The following SGK2 variants were observed in gnomAD, a reference collection of about 807,000 sequenced individuals.
SGK2 encodes the protein serine/threonine-protein kinase Sgk2.
Under a neutral mutation model 47.5 loss-of-function variants are expected in SGK2, and 36 were observed. The observed-to-expected ratio is 0.76, with a 90% CI of 0.58 to 1.00. The LOEUF is 1.00. Among genes scored for constraint, SGK2 ranks in the 50% least tolerant of loss-of-function variants. The pLI, the probability that SGK2 is intolerant of heterozygous loss-of-function variation, is 0.00. For missense variants in SGK2, 404 were observed against 467.4 expected (o/e 0.86, Z 1.25); for synonymous variants, 157 against 181.9 (o/e 0.86, Z 1.10).
intron 1 of SGK2, among the ~76,000 whole-genome samples, chr20:43,561,799 A>G (rs992839672): frequency 1.3e-5 from 2 of 151,708 alleles, no homozygotes; most frequent in Non-Finnish European, 2.9e-5. Flanking sequence ...TCATAGAGAA[A>G]GATTGTAGTG....
chr20:43,570,234 G>A (rs776424175), intron 6 of SGK2, among the ~76,000 whole-genome samples: 3 of 152,194 alleles, frequency 2.0e-5, no homozygotes, highest in Non-Finnish European at 4.4e-5. Flanking sequence ...TCAAATGCCA[G>A]CTCTGCCAAT....
At chr20:43,577,354 T>C (rs545141145) in intron 11 of SGK2, among the ~76,000 whole-genome samples, 1 of 150,332 alleles carries the variant, frequency 6.7e-6, no homozygotes, top group Non-Finnish European at 1.5e-5. Flanking sequence ...CTGCTTTTTT[T>C]TTTTTTTTTT....
At chr20:43,570,834 C>T in intron 7 of SGK2, 105 bp downstream of exon 7, 1 of 1,277,238 alleles carries the variant, frequency 7.8e-7, no homozygotes, top group Non-Finnish European at 1.1e-6. Flanking sequence ...GGACTTGGTC[C>T]TTTGTTTTGG....
At chr20:43,583,514 C>T in intron 12 of SGK2, 4 of 1,142,400 alleles carry the variant, frequency 3.5e-6, no homozygotes. Context: ...AAACTGTGAT[C>T]TGTTTGGCTC....
At chr20:43,569,346 TG>T in intron 5 of SGK2, 38 bp from the exon 6 acceptor site, 1 of 1,609,872 alleles carries the variant, frequency 6.2e-7, no homozygotes, top group East Asian at 2.2e-5. Flanking sequence ...GAGGCTGTTG[TG>T]GGCTGTGACA....
At chr20:43,575,676 GATTT>G (rs1476974111) in intron 10 of SGK2, among the ~76,000 whole-genome samples, 13 of 152,276 alleles carry the variant, frequency 8.5e-5, no homozygotes, top group Non-Finnish European at 1.2e-4. Flanking sequence ...GGCATGTGTA[GATTT>G]GCCCTAGGCC....
Position 43,569,507 on chromosome 20 carries a change from C to CG in SGK2, c.356dup (p.Glu120ArgfsTer23). 1 of 1,612,488 alleles carries CG rather than the reference C, an allele frequency of 6.2e-7. No individual in the cohort carries two copies. The highest frequency in any genetic ancestry group is 8.5e-7 in the Non-Finnish European group (1 of 1,179,554). On this transcript the variant is annotated frameshift_variant, in exon 6 of 13. Transcript: ENST00000373100. LOFTEE classifies it high-confidence loss of function. ...TCTACTTCGTGCTCGACTATGTCAA[C>CG]GGGGGAGAGGTGGGTGGGCCCACAG... is the stretch of plus-strand genomic sequence containing the variant.
intron 1 of SGK2, chr20:43,564,670 A>G (rs1232621543): frequency 6.6e-6 from 1 of 152,636 alleles, no homozygotes; most frequent in East Asian, 1.9e-4. Flanking sequence ...CTGACACAGC[A>G]TATTCACATA....
chr20:43,579,636 A>G (rs72626513), intron 11 of SGK2, among the ~76,000 whole-genome samples: 4,706 of 152,246 alleles, frequency 0.031, 106 homozygotes, highest in Middle Eastern at 0.099. Context: ...GGGGTCTCCA[A>G]GCTCCCACTG....
In SGK2 at chr20:43,569,397, A is replaced by G. The variant is rs770491904; in HGVS notation, c.241A>G (p.Met81Val). Residue 81 changes from methionine (M) to valine (V), a missense_variant, in exon 6 of 13, where the codon ATG becomes GTG. By Grantham distance (21) the Met-to-Val change is conservative. Transcript: ENST00000373100. The stretch of plus-strand genomic sequence containing the variant: ...TGTGACTCCACAGCAGAGCCACATC[A>G]TGGCAGAGCGCAGTGTGCTTCTGAA... ...ILKKKEQSHI[M>V]AERSVLLKNV... 6.6e-5 allele frequency: 106 copies of G among 1,613,834 alleles called. No individual in the cohort carries two copies. In the South Asian group the frequency reaches 1.1e-3, roughly 17 times the overall value.
intron 1 of SGK2, chr20:43,566,124 G>A (rs999191192): frequency 2.0e-6 from 1 of 509,872 alleles, no homozygotes; most frequent in South Asian, 4.0e-5. Context: ...GCCCTGAAAA[G>A]ATCCTTCCAG....
At chr20:43,578,549 C>A (rs138444644) in intron 11 of SGK2, among the ~76,000 whole-genome samples, 3 of 152,272 alleles carry the variant, frequency 2.0e-5, no homozygotes, top group African/African-American at 7.2e-5. Flanking sequence ...ATCCCTCCTT[C>A]ACTGCTTACT....
At chr20:43,579,714 G>T (rs1209336900) in intron 11 of SGK2, among the ~76,000 whole-genome samples, 1 of 152,166 alleles carries the variant, frequency 6.6e-6, no homozygotes, top group African/African-American at 2.4e-5. Context: ...CTAGCAAAGG[G>T]TCGGTGCCCA....
intron 8 of SGK2, among the ~76,000 whole-genome samples, chr20:43,571,598 G>A (rs1980133257): frequency 6.6e-6 from 1 of 152,102 alleles, no homozygotes; most frequent in Non-Finnish European, 1.5e-5. Context: ...TCCTAGGGAC[G>A]GGGCATAACT....
chr20:43,580,062 G>A lies in SGK2; in HGVS notation c.939+1G>A. On this transcript the variant is annotated splice_donor_variant, in intron 12 of 12. Transcript: ENST00000373100. LOFTEE classifies it high-confidence loss of function. ...AACTCCACCCTTCAACCCAAATGTGGTAAGAGGTCACAGCATTCTAGACTC... is the reference window on the plus strand; with the variant it reads ...AACTCCACCCTTCAACCCAAATGTGATAAGAGGTCACAGCATTCTAGACTC... 1 of 1,585,536 alleles carries A rather than the reference G, an allele frequency of 6.3e-7. No individual in the cohort carries two copies. The highest frequency in any genetic ancestry group is 8.6e-7 in the Non-Finnish European group (1 of 1,163,300).
chr20:43,570,925 G>T, intron 7 of SGK2, 99 bp from the exon 8 acceptor site: 2 of 1,576,898 alleles, frequency 1.3e-6, no homozygotes, highest in Admixed American at 1.7e-5. Flanking sequence ...CAACCTCCAT[G>T]AATAGTTCTC....
intron 1 of SGK2, among the ~76,000 whole-genome samples, chr20:43,564,515 A>C (rs1979568597): frequency 6.6e-6 from 1 of 152,006 alleles, no homozygotes; most frequent in Non-Finnish European, 1.5e-5. Flanking sequence ...ACACACACAC[A>C]CCCCAGAGTA....
chr20:43,583,548 G>A, intron 12 of SGK2: 2 of 985,404 alleles, frequency 2.0e-6, no homozygotes, highest in Non-Finnish European at 2.4e-6. Flanking sequence ...GCACACTAAA[G>A]CAGATTTGCA....
At chr20:43,582,905 A>C (rs574095047) in intron 12 of SGK2, among the ~76,000 whole-genome samples, 1 of 152,196 alleles carries the variant, frequency 6.6e-6, no homozygotes, top group African/African-American at 2.4e-5. Context: ...CATGTTGGCC[A>C]GGCTGGTCTT....
Sources: allele counts gnomAD v4.1 joint callset (sites outside exome capture counted in the v4.1 genomes callset), GRCh38; gene constraint gnomAD v4.1.1; transcripts MANE v1.5; gene names NCBI Gene and HGNC (gene_info 2026-07-23, HGNC 2026-07-21).